Variants in ZNF544 observed in about 807,000 individuals in gnomAD.
ZNF544 encodes zinc finger protein 544, also known as zinc finger protein AF020591.
Under a neutral mutation model 13.5 loss-of-function variants are expected in ZNF544, and 10 were observed. The observed-to-expected ratio is 0.74, with a 90% CI of 0.46 to 1.25. The LOEUF is 1.25. Among genes scored for constraint, ZNF544 ranks in the 50% most tolerant of loss-of-function variants. The pLI is 0.00. For synonymous variants in ZNF544, 323 were observed against 300.5 expected (o/e 1.07, Z -0.77); for missense variants, 896 against 845.6 (o/e 1.06, Z -0.74).
chr19:58,252,825 A>G (rs1307196783), intron 6 of ZNF544, among the ~76,000 whole-genome samples: 2 of 152,128 alleles, frequency 1.3e-5, no homozygotes, highest in African/African-American at 4.8e-5. Context: ...TTTACTTATT[A>G]TCATTATGTT....
At chr19:58,237,497 C>T (rs1419943621) in intron 3 of ZNF544, among the ~76,000 whole-genome samples, 1 of 152,208 alleles carries the variant, frequency 6.6e-6, no homozygotes, top group African/African-American at 2.4e-5. Flanking sequence ...ATCTTGGGGC[C>T]TAGTGTTAGG....
At chr19:58,253,932 A>G (rs1041018246) in intron 6 of ZNF544, among the ~76,000 whole-genome samples, 6 of 152,166 alleles carry the variant, frequency 3.9e-5, no homozygotes, top group Non-Finnish European at 7.3e-5. Context: ...TTTAAAGCCA[A>G]CTTCTTTAGT....
chr19:58,251,967 G>A (rs2046360255), intron 6 of ZNF544, among the ~76,000 whole-genome samples: 1 of 152,122 alleles, frequency 6.6e-6, no homozygotes, highest in Non-Finnish European at 1.5e-5. Context: ...GAGGCTTTGA[G>A]GTAACCCAAA....
At chr19:58,264,945 G>T (rs923800017), downstream of ZNF544, among the ~76,000 whole-genome samples, 1 of 151,988 alleles carries the variant, frequency 6.6e-6, no homozygotes, top group East Asian at 1.9e-4. Context: ...GGGGGGGATG[G>T]TCTCACCTGC....
intron 4 of ZNF544, among the ~76,000 whole-genome samples, chr19:58,244,954 A>ATT (rs923346457): frequency 7.4e-6 from 1 of 135,940 alleles, no homozygotes; most frequent in African/African-American, 2.7e-5. Context: ...CTTAATCACC[A>ATT]TTTTTTTTTT....
chr19:58,264,832 C>A (rs990282880), downstream of ZNF544, among the ~76,000 whole-genome samples: 5 of 152,102 alleles, frequency 3.3e-5, no homozygotes, highest in African/African-American at 1.2e-4. Context: ...CATGTTGAGA[C>A]CCCATCTCTA....
At position 58,251,085 on chromosome 19, in the gene ZNF544, C is replaced by T. The variant is rs553732431; in HGVS notation, c.244+4291C>T. ...ATTTTGTGCTATAGAATAGGAACTT[C>T]AGGGGTGGATACCTATGCTGTCAGG... On this transcript the variant is annotated intron_variant, in intron 6 of 6. Transcript: ENST00000687789. Among the ~76,000 whole-genome samples, 10 of 152,238 alleles carry T rather than the reference C, an allele frequency of 6.6e-5. No homozygotes were observed. In the East Asian group the frequency reaches 1.9e-3, roughly 29 times the overall value.
At chr19:58,265,253 G>A (rs1272358282), downstream of ZNF544, among the ~76,000 whole-genome samples, 2 of 151,704 alleles carry the variant, frequency 1.3e-5, no homozygotes, top group African/African-American at 4.8e-5. Flanking sequence ...ATTGACAGTA[G>A]TGGGGAGACT....
At position 58,261,434 on chromosome 19, in the gene ZNF544, A is replaced by G. The variant is rs1039872438; in HGVS notation, c.828A>G (p.Gly276=). The change falls in exon 7 of 7, where the codon GGA becomes GGG. Residue 276 remains glycine (G), a synonymous_variant. Transcript: ENST00000687789. ...VKKSDDCKDY[G]NLFSHSVSLN... is the part of the protein sequence containing the mutation. ...AAAGTGATGACTGTAAGGATTATGG[A>G]AACCTCTTCAGTCACAGTGTGTCTC... The G allele has an allele frequency of 7.4e-6, 12 of 1,614,076 alleles. No individual in the cohort carries two copies. Among genetic ancestry groups the G allele is most frequent in the Non-Finnish European group, 1.0e-5 (12 of 1,180,052 alleles).
chr19:58,276,179 AAAACAAAT>A, intron 5 of ZNF544: 1 of 406,344 alleles, frequency 2.5e-6, no homozygotes, highest in Non-Finnish European at 4.2e-6. Context: ...CCTGTCTCAA[AAAACAAAT>A]AAACAACAAA....
chr19:58,266,704 C>G (rs448147), downstream of ZNF544: 83,202 of 151,564 alleles, frequency 0.55, 23,243 homozygotes, highest in Middle Eastern at 0.66. Flanking sequence ...AGACTCTTCC[C>G]CATTTTTTTT....
intron 6 of ZNF544, among the ~76,000 whole-genome samples, chr19:58,254,031 T>C (rs1055671726): frequency 6.6e-6 from 1 of 152,180 alleles, no homozygotes; most frequent in African/African-American, 2.4e-5. Flanking sequence ...AAGACCATCC[T>C]GGCTAACATG....
chr19:58,274,590 G>A lies in ZNF544; in HGVS notation c.245-1733G>A, dbSNP rs146466551. Among the ~76,000 whole-genome samples the A allele has an allele frequency of 6.2e-3, 947 of 152,176 alleles. 4 individuals are homozygous for A. The highest frequency in any genetic ancestry group is 0.01 in the Admixed American group (155 of 15,260). On this transcript the variant is annotated intron_variant, in intron 5 of 6. Coordinates refer to the ZNF544 transcript ENST00000595981. Reference sequence around the variant, plus strand: ...ACAACTGTAACAATAAATTTATGTCGTTTAAGCCACCCCATTTGTGGTATG... The same window carrying A: ...ACAACTGTAACAATAAATTTATGTCATTTAAGCCACCCCATTTGTGGTATG...
chr19:58,242,344 CAAGA>C, intron 3 of ZNF544: 4 of 931,312 alleles, frequency 4.3e-6, no homozygotes, highest in Non-Finnish European at 5.1e-6. Flanking sequence ...ACAGAGAAAG[CAAGA>C]TTTCTGCAAT....
At position 58,261,606 on chromosome 19, in the gene ZNF544, G is replaced by A. The variant is rs1442123652; in HGVS notation, c.1000G>A (p.Ala334Thr). ...CTTCAGATGTGAGGAACGCTGTGCT[G>A]CCTTCCCCATGGCCTCATCTTTTTC... ...TPFRCEERCAAFPMASSFSDC... is the reference protein window; with the variant it reads ...TPFRCEERCATFPMASSFSDC... Residue 334 changes from alanine to threonine, a missense_variant, in exon 7 of 7, where the codon GCC becomes ACC. Coordinates refer to ENST00000687789, the MANE Select transcript of ZNF544 (RefSeq NM_014480.4). The A allele has an allele frequency of 3.7e-6, 6 of 1,614,052 alleles. No homozygotes were observed. The highest frequency in any genetic ancestry group is 5.1e-6 in the Non-Finnish European group (6 of 1,180,040).
chr19:58,243,435 G>A (rs2044348374), intron 3 of ZNF544, among the ~76,000 whole-genome samples: 2 of 150,418 alleles, frequency 1.3e-5, no homozygotes, highest in Non-Finnish European at 3.0e-5. Flanking sequence ...TGAAGGGTTT[G>A]GTGACTGAGT....
intron 6 of ZNF544, among the ~76,000 whole-genome samples, chr19:58,255,439 A>G (rs1009666976): frequency 6.6e-6 from 1 of 152,204 alleles, no homozygotes; most frequent in Admixed American, 6.5e-5. Flanking sequence ...TTGGCCTCCC[A>G]AAGTGCAGAG....
chr19:58,271,901 C>T (rs1044067263), intron 5 of ZNF544, among the ~76,000 whole-genome samples: 1 of 152,064 alleles, frequency 6.6e-6, no homozygotes, highest in African/African-American at 2.4e-5. Flanking sequence ...GTGGCTCATG[C>T]CTGTAATCCC....
intron 4 of ZNF544, among the ~76,000 whole-genome samples, chr19:58,244,478 C>A (rs1257328562): frequency 2.6e-5 from 4 of 152,056 alleles, no homozygotes; most frequent in African/African-American, 9.7e-5. Flanking sequence ...ATGGTGAGGG[C>A]CCTCTCTTCC....
Sources: gnomAD v4.1 joint callset for allele counts (sites outside exome capture counted in the v4.1 genomes callset) on GRCh38, gnomAD v4.1.1 for gene constraint, MANE v1.5 for transcripts, NCBI Gene and HGNC (gene_info 2026-07-23, HGNC 2026-07-21) for gene names.